PTPRT: variants seen among roughly 807,000 people sequenced by gnomAD.
PTPRT encodes the protein receptor-type tyrosine-protein phosphatase T.
In PTPRT, 56 loss-of-function variants were observed where a neutral mutation model predicts 176.8. That is an observed-to-expected ratio of 0.32 (90% CI 0.26 to 0.40). PTPRT has a LOEUF of 0.40. Ranked by LOEUF, PTPRT falls within the 10% of genes least tolerant of loss-of-function variation. The pLI, the probability that PTPRT is intolerant of heterozygous loss-of-function variation, is 1.00. For missense variants in PTPRT, 1,540 were observed against 1,908.2 expected (o/e 0.81, Z 3.60); for synonymous variants, 783 against 739.0 (o/e 1.06, Z -0.96).
chr20:42,150,678 A>C (rs1472082755), intron 17 of PTPRT, among the ~76,000 whole-genome samples: 5 of 152,234 alleles, frequency 3.3e-5, no homozygotes. Flanking sequence ...GAATATTTTT[A>C]CTGCAAATAA....
chr20:43,106,876 C>T (rs985023302), intron 1 of PTPRT, among the ~76,000 whole-genome samples: 1 of 151,898 alleles, frequency 6.6e-6, no homozygotes, highest in Non-Finnish European at 1.5e-5. Context: ...CCACAACCTC[C>T]GCCTCCCAGG....
intron 13 of PTPRT, among the ~76,000 whole-genome samples, chr20:42,272,695 G>A (rs141398106): frequency 4.7e-5 from 7 of 149,418 alleles, no homozygotes; most frequent in African/African-American, 7.5e-5. Flanking sequence ...TTATATGTGC[G>A]CGCATGCGTG....
chr20:42,879,633 G>T (rs2078984370), intron 2 of PTPRT, among the ~76,000 whole-genome samples: 2 of 152,178 alleles, frequency 1.3e-5, no homozygotes, highest in South Asian at 4.1e-4. Flanking sequence ...AGCAGTTAGA[G>T]CAAGGCAGGA....
intron 2 of PTPRT, among the ~76,000 whole-genome samples, chr20:42,817,304 C>T (rs2077803992): frequency 6.7e-6 from 1 of 150,314 alleles, no homozygotes; most frequent in African/African-American, 2.4e-5. Context: ...AGCCAAACAG[C>T]ATATGGTGGT....
intron 9 of PTPRT, among the ~76,000 whole-genome samples, chr20:42,403,377 GT>G (rs955729891): frequency 2.0e-5 from 3 of 151,990 alleles, no homozygotes; most frequent in African/African-American, 7.2e-5. Context: ...GAGCACAAGT[GT>G]TTTTTTAACC....
chr20:42,889,155 C>A (rs148036465), intron 1 of PTPRT, among the ~76,000 whole-genome samples: 1 of 152,266 alleles, frequency 6.6e-6, no homozygotes, highest in Non-Finnish European at 1.5e-5. Context: ...CAGGTCCTGG[C>A]CCTCTGAGGA....
chr20:42,150,504 C>A (rs1989080104), intron 17 of PTPRT, among the ~76,000 whole-genome samples: 1 of 152,194 alleles, frequency 6.6e-6, no homozygotes, highest in Non-Finnish European at 1.5e-5. Flanking sequence ...ACACTGTACT[C>A]TCCTGGTGCA....
intron 1 of PTPRT, among the ~76,000 whole-genome samples, chr20:43,131,609 A>T (rs75387473): frequency 0.017 from 2,618 of 152,324 alleles, 70 homozygotes; most frequent in African/African-American, 0.059. Flanking sequence ...TCAAAGAAAC[A>T]TTCAGGCCTA....
chr20:42,259,935 G>C (rs886982379), intron 13 of PTPRT, among the ~76,000 whole-genome samples: 1 of 152,206 alleles, frequency 6.6e-6, no homozygotes, highest in African/African-American at 2.4e-5. Flanking sequence ...TCAACCCTTG[G>C]CTTCATAGGA....
chr20:42,106,887 T>C lies in PTPRT; in HGVS notation c.3289A>G (p.Ile1097Val). The C allele has an allele frequency of 1.2e-6, 2 of 1,614,128 alleles. No homozygotes were observed. Among genetic ancestry groups the C allele is most frequent in the Non-Finnish European group, 8.5e-7 (1 of 1,180,018 alleles). ...GAGRTGCFIA[I>V]DTMLDMAENE... ...TCGGCCATGTCAAGCATGGTGTCAA[T>C]GGCAATGAAGCAGCCAGTCCGCCCA... Residue 1097 changes from isoleucine (I) to valine (V), a missense_variant, in exon 24 of 31, where the codon ATT becomes GTT. By Grantham distance (29) the Ile-to-Val change is conservative. Around this residue, in one of 11 missense-constraint regions of PTPRT, gnomAD observed 248 missense variants for 356.7 expected, o/e 0.70. Transcript: ENST00000373187.
chr20:42,673,572 C>A (rs1286804373), intron 7 of PTPRT, among the ~76,000 whole-genome samples: 1 of 152,010 alleles, frequency 6.6e-6, no homozygotes, highest in Non-Finnish European at 1.5e-5. Context: ...TATCAAGGTG[C>A]CAGCAGATTA....
intron 7 of PTPRT, among the ~76,000 whole-genome samples, chr20:42,594,781 GCTTT>G (rs1254005220): frequency 1.3e-5 from 2 of 152,108 alleles, no homozygotes; most frequent in African/African-American, 2.4e-5. Flanking sequence ...CAAAAATCCA[GCTTT>G]CTGTCTCCTC....
intron 9 of PTPRT, among the ~76,000 whole-genome samples, chr20:42,387,517 T>C (rs1042524750): frequency 2.6e-5 from 4 of 152,194 alleles, no homozygotes; most frequent in South Asian, 2.1e-4. Context: ...TTGTTGTTGT[T>C]GTCGTCGTCA....
At chr20:42,508,922 TAA>T in intron 7 of PTPRT, among the ~76,000 whole-genome samples, 1 of 144,740 alleles carries the variant, frequency 6.9e-6, no homozygotes, top group African/African-American at 2.5e-5. Context: ...TTTATAAATA[TAA>T]ATAATATAAT....
chr20:42,047,813 T>C, the PTPRT span, among the ~76,000 whole-genome samples: 2 of 152,180 alleles, frequency 1.3e-5, no homozygotes, highest in Non-Finnish European at 2.9e-5. Flanking sequence ...CCTTTTTGTA[T>C]TGAAGGAGGC....
At chr20:42,761,085 T>C (rs112320567) in intron 5 of PTPRT, among the ~76,000 whole-genome samples, 14 of 152,316 alleles carry the variant, frequency 9.2e-5, no homozygotes, top group African/African-American at 3.1e-4. Flanking sequence ...GCTATGGTTC[T>C]CGAACCATGG....
intron 1 of PTPRT, among the ~76,000 whole-genome samples, chr20:42,917,442 C>T (rs1021887286): frequency 3.9e-5 from 6 of 152,208 alleles, no homozygotes; most frequent in South Asian, 2.1e-4. Context: ...CTTGGCGATG[C>T]GGGCTCTTTT....
In PTPRT at chr20:43,128,810, T is replaced by C. The variant is rs115868455; in HGVS notation, c.88+60836A>G. ...CACTCTGTCTGGCTGGGTTTCAAAGTTAGGAGGTCATCTGTATCCTTCTCC... is the reference window on the plus strand; with the variant it reads ...CACTCTGTCTGGCTGGGTTTCAAAGCTAGGAGGTCATCTGTATCCTTCTCC... On this transcript the variant is annotated intron_variant, in intron 1 of 30. Transcript: ENST00000373187. Among the ~76,000 whole-genome samples, 953 of 152,240 alleles carry C rather than the reference T, an allele frequency of 6.3e-3. 11 individuals are homozygous for C. Among genetic ancestry groups the C allele is most frequent in the African/African-American group, 0.022 (907 of 41,532 alleles).
chr20:42,336,768 A>C (rs1229714327), intron 11 of PTPRT, among the ~76,000 whole-genome samples: 2 of 152,224 alleles, frequency 1.3e-5, no homozygotes, highest in African/African-American at 4.8e-5. Context: ...AATTACGCAA[A>C]AAGCTGACAA....
Sources: allele counts gnomAD v4.1 joint callset (sites outside exome capture counted in the v4.1 genomes callset), GRCh38; gene constraint gnomAD v4.1.1; regional missense constraint gnomAD v4.1.1; transcripts MANE v1.5; gene names NCBI Gene and HGNC (gene_info 2026-07-23, HGNC 2026-07-21).